The following MTMR2 variants were observed in gnomAD, a reference collection of about 807,000 sequenced individuals.
The protein encoded by MTMR2 is myotubularin related protein 2.
Under a neutral mutation model 86.9 loss-of-function variants are expected in MTMR2, and 55 were observed. That is an observed-to-expected ratio of 0.63 (90% CI 0.51 to 0.79). MTMR2 has a LOEUF of 0.79. MTMR2 is among the 30% of genes least tolerant of loss of function. MTMR2 has a pLI of 0.00. For missense variants in MTMR2, 659 were observed against 772.3 expected, an observed-to-expected ratio of 0.85 and a Z score of 1.74; for synonymous variants, 241 against 266.8, an observed-to-expected ratio of 0.90 and a Z score of 0.94.
At chr11:95,910,778 G>C (rs2135609231) in intron 1 of MTMR2, among the ~76,000 whole-genome samples, 1 of 152,140 alleles carries the variant, frequency 6.6e-6, no homozygotes, top group South Asian at 2.1e-4. Context: ...TTGTGAACAA[G>C]CTTTTCTAGG....
chr11:95,905,323 G>T (rs982507097), intron 1 of MTMR2, among the ~76,000 whole-genome samples: 1 of 110,714 alleles, frequency 9.0e-6, no homozygotes, highest in African/African-American at 3.8e-5. Flanking sequence ...ACACACGCAC[G>T]CACCTGCGCA....
chr11:95,835,171 A>G lies in MTMR2; in HGVS notation c.*119T>C, dbSNP rs1368819722. 2 of 1,090,932 alleles carry G rather than the reference A, an allele frequency of 1.8e-6. No individual in the cohort carries two copies. The highest frequency in any genetic ancestry group is 2.7e-6 in the Non-Finnish European group (2 of 732,262). The allele number at this position is 1,090,932 out of a possible 1,614,324, so 67.6% of individuals were successfully genotyped here. ...AACTCATCCTAGAGAGATTTAAAATAAATAAAGTGACTGAACTTTCTCTCA... is the reference window on the plus strand; with the variant it reads ...AACTCATCCTAGAGAGATTTAAAATGAATAAAGTGACTGAACTTTCTCTCA... On this transcript the variant is annotated 3_prime_UTR_variant, in exon 15 of 15. Transcript: ENST00000346299.
At chr11:95,857,260 A>G (rs1864246478) in intron 7 of MTMR2, among the ~76,000 whole-genome samples, 2 of 152,192 alleles carry the variant, frequency 1.3e-5, no homozygotes. Flanking sequence ...TATGTCTTAA[A>G]TTCTCAAGAA....
intron 1 of MTMR2, among the ~76,000 whole-genome samples, chr11:95,889,684 T>G (rs1865645032): frequency 6.6e-6 from 1 of 152,168 alleles, no homozygotes; most frequent in African/African-American, 2.4e-5. Context: ...CCACAAAATC[T>G]ACTTCAGGAC....
intron 9 of MTMR2, among the ~76,000 whole-genome samples, chr11:95,848,351 A>G (rs190644840): frequency 6.6e-6 from 1 of 152,222 alleles, no homozygotes; most frequent in East Asian, 1.9e-4. Flanking sequence ...TTTAATCTTC[A>G]TATCTGAGAA....
At chr11:95,912,830 TA>T (rs996978304) in intron 1 of MTMR2, 3 of 152,050 alleles carry the variant, frequency 2.0e-5, no homozygotes, top group Non-Finnish European at 4.4e-5. Context: ...CACTCCTAAC[TA>T]GCGTACTTCA....
At chr11:95,857,129 A>G (rs180901598) in intron 7 of MTMR2, among the ~76,000 whole-genome samples, 14 of 152,244 alleles carry the variant, frequency 9.2e-5, no homozygotes, top group Admixed American at 7.2e-4. Context: ...TAAATTAGAA[A>G]TGTTATAATT....
At chr11:95,916,861 T>C (rs1400133700) in intron 1 of MTMR2, among the ~76,000 whole-genome samples, 3 of 152,292 alleles carry the variant, frequency 2.0e-5, no homozygotes, top group Middle Eastern at 3.4e-3. Context: ...ATAGGTCCTA[T>C]GTACTTGGGG....
chr11:95,920,621 C>G (rs527815870), intron 1 of MTMR2, among the ~76,000 whole-genome samples: 100 of 151,788 alleles, frequency 6.6e-4, no homozygotes, highest in African/African-American at 2.3e-3. Flanking sequence ...GAAGGCATAA[C>G]TGGAGACAAG....
At chr11:95,871,291 T>A (rs1864872094) in intron 2 of MTMR2, among the ~76,000 whole-genome samples, 1 of 152,224 alleles carries the variant, frequency 6.6e-6, no homozygotes, top group Non-Finnish European at 1.5e-5. Context: ...TTTCTAGTTC[T>A]AGATCCCTGA....
chr11:95,905,440 C>T (rs1023504039), intron 1 of MTMR2, among the ~76,000 whole-genome samples: 3 of 151,874 alleles, frequency 2.0e-5, no homozygotes, highest in African/African-American at 7.3e-5. Flanking sequence ...CTGTAATTGA[C>T]AACAGTGCTA....
At chr11:95,897,605 GC>G (rs1224629449) in intron 1 of MTMR2, among the ~76,000 whole-genome samples, 8 of 152,014 alleles carry the variant, frequency 5.3e-5, no homozygotes, top group Non-Finnish European at 8.8e-5. Context: ...ACAAATATTA[GC>G]CACAATTCCT....
intron 1 of MTMR2, among the ~76,000 whole-genome samples, chr11:95,910,688 G>A (rs868823721): frequency 2.9e-4 from 44 of 152,132 alleles, no homozygotes; most frequent in African/African-American, 1.0e-3. Flanking sequence ...TTTAAAAAGT[G>A]ATTTTCTTGT....
intron 1 of MTMR2, among the ~76,000 whole-genome samples, chr11:95,911,583 G>T (rs990972843): frequency 6.6e-6 from 1 of 152,040 alleles, no homozygotes; most frequent in South Asian, 2.1e-4. Flanking sequence ...AAAAACCTCC[G>T]ATTCAAATTC....
chr11:95,879,616 A>G (rs1290624719), intron 2 of MTMR2, among the ~76,000 whole-genome samples: 1 of 152,136 alleles, frequency 6.6e-6, no homozygotes, highest in African/African-American at 2.4e-5. Flanking sequence ...AGCCTCTTCT[A>G]TCACTCCACC....
Position 95,835,036 on chromosome 11 carries a change from C to T in MTMR2, c.*254G>A. The T allele has an allele frequency of 2.2e-6, 1 of 453,176 alleles. No individual in the cohort carries two copies. The allele number at this position is 453,176 out of a possible 1,614,324, so 28.1% of individuals were successfully genotyped here. A position where few individuals can be genotyped will look rare whatever the true frequency, so the allele number is the denominator to read the frequency against. ...TAGAAACTTGTTCCCACTGTGAATCCAGGATTGAAGTATTTTAATATTCTT... is the reference window on the plus strand; with the variant it reads ...TAGAAACTTGTTCCCACTGTGAATCTAGGATTGAAGTATTTTAATATTCTT... On this transcript the variant is annotated 3_prime_UTR_variant, in exon 15 of 15. Coordinates refer to ENST00000346299, the MANE Select transcript of MTMR2 (RefSeq NM_016156.6).
intron 2 of MTMR2, chr11:95,887,906 C>A: frequency 2.4e-6 from 1 of 414,450 alleles, no homozygotes; most frequent in Non-Finnish European, 4.4e-6. Flanking sequence ...TCTTTTATAC[C>A]ACAAAAAATT....
intron 8 of MTMR2, 53 bp downstream of exon 8, chr11:95,850,547 A>G: frequency 1.3e-6 from 2 of 1,561,548 alleles, no homozygotes; most frequent in South Asian, 1.1e-5. Flanking sequence ...TAATCTCAGC[A>G]TTATGTTGAG....
At chr11:95,892,659 C>A (rs1865752744) in intron 1 of MTMR2, among the ~76,000 whole-genome samples, 1 of 152,160 alleles carries the variant, frequency 6.6e-6, no homozygotes, top group African/African-American at 2.4e-5. Context: ...GGCCTTTGTT[C>A]CAAATGCTAA....
Sources: gnomAD v4.1 joint callset for allele counts (sites outside exome capture counted in the v4.1 genomes callset) on GRCh38, gnomAD v4.1.1 for gene constraint, MANE v1.5 for transcripts, NCBI Gene and HGNC (gene_info 2026-07-23, HGNC 2026-07-21) for gene names.